SNURF: variants seen among roughly 807,000 people sequenced by gnomAD.
The protein encoded by SNURF is SNURF protein.
SNURF carries 6 observed loss-of-function variants against 11.6 expected under a neutral mutation model. That is an observed-to-expected ratio of 0.52 (90% CI 0.28 to 1.02). SNURF has a LOEUF of 1.02. SNURF is among the 50% of genes least tolerant of loss of function. SNURF has a pLI of 0.09. For synonymous variants in SNURF, 29 were observed against 31.6 expected (o/e 0.92, Z 0.27); for missense variants, 84 against 88.4 (o/e 0.95, Z 0.20).
intron 2 of SNURF, among the ~76,000 whole-genome samples, chr15:24,967,638 TC>T (rs2075836115): frequency 7.8e-6 from 1 of 127,860 alleles, no homozygotes; most frequent in Non-Finnish European, 1.7e-5. Context: ...TGAGACTCTG[TC>T]TTAAAAAAAA....
chr15:24,977,865 C>T (rs1225452253), downstream of SNURF: 1 of 1,612,690 alleles, frequency 6.2e-7, no homozygotes, highest in Admixed American at 1.7e-5. Context: ...ACAGTACCCA[C>T]CAGGACGGGG....
chr15:24,976,326 A>T, exon 5 of SNURF: 1 of 1,613,742 alleles, frequency 6.2e-7, no homozygotes, highest in African/African-American at 1.3e-5. Flanking sequence ...CGAAGCAACC[A>T]GAGCGTGAAG....
chr15:24,963,847 C>T (rs2075227552), intron 2 of SNURF, among the ~76,000 whole-genome samples: 1 of 151,850 alleles, frequency 6.6e-6, no homozygotes, highest in East Asian at 1.9e-4. Context: ...CCAGCCTGGG[C>T]AACATAGAGA....
intron 1 of SNURF, among the ~76,000 whole-genome samples, chr15:24,956,357 G>A (rs931458936): frequency 1.3e-5 from 2 of 151,704 alleles, no homozygotes; most frequent in African/African-American, 4.8e-5. Flanking sequence ...GCTTCAGCGG[G>A]GGGGTGGCCG....
Position 24,955,080 on chromosome 15 carries a change from C to T in SNURF, c.14+18C>T, listed in dbSNP as rs1299270515. 1 of 1,613,426 alleles carries T rather than the reference C, an allele frequency of 6.2e-7. No individual in the cohort carries two copies. Among genetic ancestry groups the T allele is most frequent in the Non-Finnish European group, 8.5e-7 (1 of 1,180,028 alleles). Reference sequence around the variant, plus strand: ...CGGGCAAGGTCAGCTGTGCCGGTGGCTTCTCTCAAGAGACAGCCTGGGGAG... The same window carrying T: ...CGGGCAAGGTCAGCTGTGCCGGTGGTTTCTCTCAAGAGACAGCCTGGGGAG... On this transcript the variant is annotated intron_variant, in intron 1 of 2. Transcript: ENST00000577949.
chr15:24,968,677 T>C (rs1281373687), downstream of SNURF: 1 of 152,358 alleles, frequency 6.6e-6, no homozygotes, highest in Admixed American at 6.5e-5. Flanking sequence ...AGCACATAAT[T>C]AACAATGAGT....
chr15:24,975,446 T>G, exon 4 of SNURF: 1 of 1,613,698 alleles, frequency 6.2e-7, no homozygotes, highest in Non-Finnish European at 8.5e-7. Flanking sequence ...ATTGGCACCT[T>G]TAAGGCTTTT....
At chr15:24,970,718 A>G (rs2076292444), downstream of SNURF, among the ~76,000 whole-genome samples, 1 of 152,178 alleles carries the variant, frequency 6.6e-6, no homozygotes, top group African/African-American at 2.4e-5. Context: ...TTTTTGTTAC[A>G]TTGTTTTCTA....
At chr15:24,972,714 T>C (rs2076579899), downstream of SNURF, among the ~76,000 whole-genome samples, 3 of 152,096 alleles carry the variant, frequency 2.0e-5, no homozygotes, top group Admixed American at 6.6e-5. Context: ...TCTGGCTAGA[T>C]TTGGTTGCCA....
At chr15:24,974,983 G>A in intron 3 of SNURF, 1 of 702,874 alleles carries the variant, frequency 1.4e-6, no homozygotes, top group East Asian at 2.7e-5. Context: ...AAATAAAGAG[G>A]GCTTTGAAAA....
downstream of SNURF, chr15:24,977,945 C>T: frequency 6.6e-7 from 1 of 1,526,628 alleles, no homozygotes; most frequent in East Asian, 2.3e-5. Flanking sequence ...CGAAGACGAA[C>T]TTGAATCTCT....
downstream of SNURF, among the ~76,000 whole-genome samples, chr15:24,972,383 C>T (rs1186496981): frequency 6.6e-6 from 1 of 151,980 alleles, no homozygotes; most frequent in African/African-American, 2.4e-5. Flanking sequence ...AACTCTTACT[C>T]ATATTTAGGA....
chr15:24,971,103 T>C (rs1261188406), downstream of SNURF, among the ~76,000 whole-genome samples: 4 of 152,156 alleles, frequency 2.6e-5, no homozygotes. Context: ...CTTATTTTAC[T>C]TTTGAATTAA....
At chr15:24,962,601 G>T (rs903835813) in intron 2 of SNURF, among the ~76,000 whole-genome samples, 2 of 151,930 alleles carry the variant, frequency 1.3e-5, no homozygotes, top group Non-Finnish European at 2.9e-5. Flanking sequence ...TTTGTTTTTG[G>T]TTAGTGCATT....
At position 24,974,969 on chromosome 15, in the gene SNURF, A is replaced by G. The variant is rs1018689188; in HGVS notation, c.*46-389A>G. 16 of 703,008 alleles carry G rather than the reference A, an allele frequency of 2.3e-5. No individual in the cohort carries two copies. The African/African-American group carries it at 2.8e-4, about 12-fold the overall frequency. The allele number at this position is 703,008 out of a possible 1,614,324, so 43.5% of individuals were successfully genotyped here. On this transcript the variant is annotated intron_variant and NMD_transcript_variant, in intron 3 of 6. Transcript: ENST00000580062. ...TGATGGACTCTCAGGTCAGATTACA[A>G]TAGAAATAAAGAGGGCTTTGAAAAT...
intron 1 of SNURF, among the ~76,000 whole-genome samples, 157 bp downstream of exon 1, chr15:24,955,219 G>A (rs942882695): frequency 6.6e-6 from 1 of 152,158 alleles, no homozygotes; most frequent in Non-Finnish European, 1.5e-5. Context: ...AATGTTCAGA[G>A]GCTTGCTGTT....
chr15:24,976,711 A>G (rs1268397049), intron 5 of SNURF, among the ~76,000 whole-genome samples: 1 of 152,262 alleles, frequency 6.6e-6, no homozygotes, highest in Non-Finnish European at 1.5e-5. Context: ...TGCATTTTAT[A>G]CACAAGATAC....
chr15:24,955,359 C>T (rs534918948), intron 1 of SNURF, among the ~76,000 whole-genome samples: 2 of 151,924 alleles, frequency 1.3e-5, no homozygotes, highest in African/African-American at 4.8e-5. Context: ...TGACTGGGAG[C>T]ATGCGGGGTA....
chr15:24,973,649 C>T (rs2076724215), downstream of SNURF, among the ~76,000 whole-genome samples: 1 of 152,194 alleles, frequency 6.6e-6, no homozygotes, highest in Non-Finnish European at 1.5e-5. Flanking sequence ...ATCCACCTGC[C>T]TTGGCCTCCC....
Sources: gnomAD v4.1 joint callset for allele counts (sites outside exome capture counted in the v4.1 genomes callset) on GRCh38, gnomAD v4.1.1 for gene constraint, MANE v1.5 for transcripts, NCBI Gene and HGNC (gene_info 2026-07-23, HGNC 2026-07-21) for gene names.